Variants in CARMIL3 observed in about 807,000 individuals in gnomAD.
CARMIL3 encodes capping protein, Arp2/3 and myosin-I linker protein 3.
Under a neutral mutation model 180.8 loss-of-function variants are expected in CARMIL3, and 88 were observed. That is an observed-to-expected ratio of 0.49 (90% CI 0.41 to 0.58). The LOEUF (loss-of-function observed/expected upper bound fraction) is 0.58. CARMIL3 is among the 20% of genes least tolerant of loss of function. CARMIL3 has a pLI of 0.00. For missense variants in CARMIL3, 1,548 were observed against 1,787.0 expected (o/e 0.87, Z 2.41); for synonymous variants, 696 against 714.5 (o/e 0.97, Z 0.41).
rs114670629 is a variant in CARMIL3, at chr14:24,056,745, C to T, written c.952+37C>T. ...AAGGACCCCTGACCTCTGACCCTAC[C>T]CTGGTGCTGCCTGGGGTGTTGAGCT... On this transcript the variant is annotated intron_variant, in intron 12 of 39. Transcript: ENST00000342740. 1.6e-3 allele frequency: 2,532 copies of T among 1,593,030 alleles called. 36 individuals carry two copies. In the African/African-American group the frequency reaches 0.028, roughly 18 times the overall value.
rs1478327076 is a variant in CARMIL3 at position 24,058,874 on chromosome 14, C to T, written c.1475-16C>T. 1 of 1,614,108 alleles carries T rather than the reference C, an allele frequency of 6.2e-7. No homozygotes were observed. The highest frequency in any genetic ancestry group is 2.2e-5 in the East Asian group (1 of 44,880). ...CCTCAGGCCTCCAGGCCAGGCCTCT[C>T]CCATCTGCTCACCAGGGTTCGACTC... is the stretch of plus-strand genomic sequence containing the variant. On this transcript the variant is annotated splice_polypyrimidine_tract_variant and intron_variant, in intron 18 of 39. Coordinates refer to ENST00000342740, the MANE Select transcript of CARMIL3 (RefSeq NM_138360.4). This position sits in a 1 kb window ranked among gnomAD's most constrained non-coding sequence, Gnocchi z 6.4.
rs2035619857 is a variant in CARMIL3, at chr14:24,052,022, T to C, written c.-132T>C. ...GGAGGAGCGCTCAAGCAGCCGCCCCTGACCGGAGCGGGCTCGGCCGCTGCT... is the reference window on the plus strand; with the variant it reads ...GGAGGAGCGCTCAAGCAGCCGCCCCCGACCGGAGCGGGCTCGGCCGCTGCT... On this transcript the variant is annotated 5_prime_UTR_variant, in exon 1 of 40. Transcript: ENST00000342740. The C allele has an allele frequency of 2.6e-5, 22 of 855,894 alleles. No homozygotes were observed. The South Asian group carries it at 5.4e-4, about 21-fold the overall frequency. The allele number at this position is 855,894 out of a possible 1,614,324, so 53.0% of individuals were successfully genotyped here.
intron 1 of CARMIL3, among the ~76,000 whole-genome samples, chr14:24,052,709 G>A (rs544108591): frequency 6.6e-6 from 1 of 152,374 alleles, no homozygotes; most frequent in South Asian, 2.1e-4. Context: ...AGTCAGGGAA[G>A]AGGCCCTGGA....
At chr14:24,056,421 C>A in intron 11 of CARMIL3, 28 bp downstream of exon 11, 1 of 1,599,140 alleles carries the variant, frequency 6.3e-7, no homozygotes, top group East Asian at 2.3e-5. Flanking sequence ...ATCCTGTCCC[C>A]ATCCCAATGC....
At position 24,056,715 on chromosome 14, in the gene CARMIL3, G is replaced by C. The variant is rs1426265653; in HGVS notation, c.952+7G>C. 68 of 1,611,808 alleles carry C rather than the reference G, an allele frequency of 4.2e-5. No individual in the cohort carries two copies. The East Asian group carries it at 4.5e-4, about 11-fold the overall frequency. ...ACTGCCATTTCCCCTCGAGGTACTC[G>C]CACCAAGGACCCCTGACCTCTGACC... On this transcript the variant is annotated splice_region_variant and intron_variant, in intron 12 of 39. Coordinates refer to ENST00000342740, the MANE Select transcript of CARMIL3 (RefSeq NM_138360.4).
In CARMIL3 at chr14:24,069,411, C is replaced by T. The variant is rs1212260540; in HGVS notation, c.*7C>T. On this transcript the variant is annotated 3_prime_UTR_variant, in exon 40 of 40. Transcript: ENST00000342740. ...TGAGCCAGGAACAGACTGACAACTG[C>T]CACAACACCCTCCTCAGCCCTCGAC... 6.2e-6 allele frequency: 10 copies of T among 1,614,166 alleles called. No individual in the cohort carries two copies. Among genetic ancestry groups the T allele is most frequent in the Non-Finnish European group, 8.5e-6 (10 of 1,180,012 alleles).
At position 24,058,325 on chromosome 14, in the gene CARMIL3, C is replaced by G; in HGVS notation, c.1392+101C>G. 2 of 1,296,736 alleles carry G rather than the reference C, an allele frequency of 1.5e-6. No homozygotes were observed. Among genetic ancestry groups the G allele is most frequent in the South Asian group, 2.8e-5 (2 of 72,440 alleles). 80.3% of individuals were successfully genotyped at this position (1,296,736 alleles called of 1,614,324 possible). A position where few individuals can be genotyped will look rare whatever the true frequency, so the allele number is the denominator to read the frequency against. ...TCCATCTAGCCTCTGTGCTGACCCT[C>G]TGCGACCCCCTGACCTGGCCACACC... On this transcript the variant is annotated intron_variant, in intron 17 of 39. Transcript: ENST00000342740. This position sits in a 1 kb window ranked among gnomAD's most constrained non-coding sequence, Gnocchi z 6.4.
chr14:24,067,844 G>A (rs1345761671), intron 36 of CARMIL3, among the ~76,000 whole-genome samples: 2 of 152,266 alleles, frequency 1.3e-5, no homozygotes, highest in Non-Finnish European at 2.9e-5. Context: ...GAGGATGAGT[G>A]TGCCAGGGCA....
chr14:24,059,663 G>A lies in CARMIL3; in HGVS notation c.1800-1G>A, dbSNP rs1348779608. On this transcript the variant is annotated splice_acceptor_variant, in intron 21 of 39. Transcript: ENST00000342740. LOFTEE classifies it high-confidence loss of function. The surrounding 1 kb of genome is among the most constrained non-coding windows in gnomAD (Gnocchi z 6.3). ...CAAACTGGTGCTTACCCTCCCCCCA[G>A]AACTATCCTATGGGATCGGAACAAT... 6.2e-7 allele frequency: 1 copy of A among 1,613,954 alleles called. No homozygotes were observed. Among genetic ancestry groups the A allele is most frequent in the Admixed American group, 1.7e-5 (1 of 59,996 alleles).
In CARMIL3 at chr14:24,059,122, C is replaced by T. The variant is rs951109894; in HGVS notation, c.1572-13C>T. The stretch of plus-strand genomic sequence containing the variant: ...GCCCTTCCCCTCCTACTCTGAGCCC[C>T]GCCTCCCTGCAGGACCCTGGAGGAG... On this transcript the variant is annotated splice_polypyrimidine_tract_variant and intron_variant, in intron 19 of 39. Coordinates refer to ENST00000342740, the MANE Select transcript of CARMIL3 (RefSeq NM_138360.4). The surrounding 1 kb of genome is among the most constrained non-coding windows in gnomAD (Gnocchi z 6.3). The T allele has an allele frequency of 6.3e-6, 10 of 1,595,044 alleles. No individual in the cohort carries two copies. The highest frequency in any genetic ancestry group is 3.4e-5 in the South Asian group (3 of 88,610).
Position 24,054,218 on chromosome 14 carries a change from G to C in CARMIL3, c.187-24G>C. The C allele has an allele frequency of 6.2e-7, 1 of 1,614,146 alleles. No homozygotes were observed. ...CTGGCAACCCAGGTCCTTACCAGGA[G>C]CTGAGCATCTCCATCCCTCCTAGGT... On this transcript the variant is annotated intron_variant, in intron 3 of 39. Coordinates refer to ENST00000342740, the MANE Select transcript of CARMIL3 (RefSeq NM_138360.4). The surrounding 1 kb of genome is among the most constrained non-coding windows in gnomAD (Gnocchi z 5.1).
At position 24,054,423 on chromosome 14, in the gene CARMIL3, G is replaced by C. The variant is rs746193866; in HGVS notation, c.274G>C (p.Val92Leu). Residue 92 changes from valine (V) to leucine (L), a missense_variant, in exon 5 of 40, where the codon GTG (valine) becomes CTG (leucine). Val to Leu is a conservative substitution (Grantham distance 32). Coordinates refer to ENST00000342740, the MANE Select transcript of CARMIL3 (RefSeq NM_138360.4). This position sits in a 1 kb window ranked among gnomAD's most constrained non-coding sequence, Gnocchi z 5.1. ...CCTGGTGGAGACGGAGCGTGGCATG[G>C]TGAGCATGCGACTGCCATCAGCTGA... Reference protein sequence around the residue: ...QILVETERGMVSMRLPSAESV... With the variant: ...QILVETERGMLSMRLPSAESV... The C allele has an allele frequency of 2.5e-6, 4 of 1,614,044 alleles. No homozygotes were observed. The highest frequency in any genetic ancestry group is 1.3e-5 in the African/African-American group (1 of 74,934).
At chr14:24,063,565 C>T in intron 31 of CARMIL3, 32 bp downstream of exon 31, 4 of 1,571,858 alleles carry the variant, frequency 2.5e-6, no homozygotes, top group Non-Finnish European at 3.4e-6. Context: ...AGAGGATCCC[C>T]TTCACTCAGT....
rs1320067524 is a variant in CARMIL3, at chr14:24,052,026, C to T, written c.-128C>T. 5 of 893,612 alleles carry T rather than the reference C, an allele frequency of 5.6e-6. No individual in the cohort carries two copies. The East Asian group carries it at 1.4e-4, about 24-fold the overall frequency. 55.4% of individuals were successfully genotyped at this position (893,612 alleles called of 1,614,324 possible). ...GAGCGCTCAAGCAGCCGCCCCTGAC[C>T]GGAGCGGGCTCGGCCGCTGCTGCAG... On this transcript the variant is annotated 5_prime_UTR_variant, in exon 1 of 40. Transcript: ENST00000342740.
chr14:24,057,151 T>C lies in CARMIL3; in HGVS notation c.1063-16T>C, dbSNP rs1397552919. The C allele has an allele frequency of 1.9e-6, 3 of 1,612,954 alleles. No individual in the cohort carries two copies. The highest frequency in any genetic ancestry group is 1.1e-5 in the South Asian group (1 of 90,858). The stretch of plus-strand genomic sequence containing the variant: ...ATCATCCCTTCCCCTGCAACCCCTC[T>C]TCCTTCCTACTCCAGGCCCTCTACA... On this transcript the variant is annotated splice_polypyrimidine_tract_variant and intron_variant, in intron 13 of 39. Transcript: ENST00000342740.
rs756292979 is a variant in CARMIL3 at position 24,059,660 on chromosome 14, C to T, written c.1800-4C>T. ...TGCCAAACTGGTGCTTACCCTCCCC[C>T]CAGAACTATCCTATGGGATCGGAAC... is the stretch of plus-strand genomic sequence containing the variant. On this transcript the variant is annotated splice_region_variant and splice_polypyrimidine_tract_variant and intron_variant, in intron 21 of 39. Coordinates refer to ENST00000342740, the MANE Select transcript of CARMIL3 (RefSeq NM_138360.4). The surrounding 1 kb of genome is among the most constrained non-coding windows in gnomAD (Gnocchi z 6.3). 10 of 1,613,888 alleles carry T rather than the reference C, an allele frequency of 6.2e-6. No individual in the cohort carries two copies. Among genetic ancestry groups the T allele is most frequent in the Non-Finnish European group, 8.5e-6 (10 of 1,179,974 alleles).
chr14:24,065,416 G>A (rs1409647718), intron 33 of CARMIL3, 143 bp downstream of exon 33: 1 of 1,063,422 alleles, frequency 9.4e-7, no homozygotes, highest in African/African-American at 1.6e-5. Context: ...TCCTCTCCTT[G>A]AGAGTGGACT....
rs2035817951 is a variant in CARMIL3, at chr14:24,068,629, C to A, written c.3728C>A (p.Ala1243Asp). The change falls in exon 37 of 40, where the codon GCC becomes GAC. Residue 1243 changes from alanine to aspartate, a missense_variant. Transcript: ENST00000342740. Reference sequence around the variant, plus strand: ...CACAGCTGCCAGAGTCCCAGCCCAGCCTCCCAAGATGGGGAAGAGGAGAAG... The same window carrying A: ...CACAGCTGCCAGAGTCCCAGCCCAGACTCCCAAGATGGGGAAGAGGAGAAG... ...PNHSCQSPSP[A>D]SQDGEEEKEG... 1.9e-6 allele frequency: 3 copies of A among 1,613,952 alleles called. No individual in the cohort carries two copies. The East Asian group carries it at 6.7e-5, about 36-fold the overall frequency.
chr14:24,068,947 AGAG>A lies in CARMIL3; in HGVS notation c.3967_3969del (p.Glu1323del), dbSNP rs1448232969. ...TGAGGCTGAGCTCACAGCAAGACCA[AGAG>A]GAGCCCGAAGTCCAAGGTCTGCCAC... On this transcript the variant is annotated inframe_deletion, in exon 38 of 40. Transcript: ENST00000342740. 1 of 1,567,644 alleles carries A rather than the reference AGAG, an allele frequency of 6.4e-7. No individual in the cohort carries two copies. Among genetic ancestry groups the A allele is most frequent in the African/African-American group, 1.4e-5 (1 of 73,750 alleles).
Sources: gnomAD v4.1 joint callset for allele counts (sites outside exome capture counted in the v4.1 genomes callset) on GRCh38, gnomAD v4.1.1 for gene constraint, Gnocchi (gnomAD v3.1) non-coding constraint, MANE v1.5 for transcripts, NCBI Gene and HGNC (gene_info 2026-07-23, HGNC 2026-07-21) for gene names.